DNAH17: variants seen among roughly 807,000 people sequenced by gnomAD.
DNAH17 encodes the protein axonemal beta dynein heavy chain 17.
A neutral mutation model predicts 485.6 loss-of-function variants in DNAH17; 376 were observed. The ratio of observed to expected loss-of-function variants is 0.77; its 90% confidence interval spans 0.71 to 0.84. The LOEUF is 0.84. DNAH17 is among the 40% of genes least tolerant of loss of function. The pLI, the probability that DNAH17 is intolerant of heterozygous loss-of-function variation, is 0.00. For missense variants in DNAH17, 6,370 were observed against 5,839.3 expected (o/e 1.09, Z -2.96); for synonymous variants, 3,031 against 2,405.9 (o/e 1.26, Z -7.60).
chr17:78,470,962 A>G (rs527826095), intron 54 of DNAH17, among the ~76,000 whole-genome samples: 3 of 152,322 alleles, frequency 2.0e-5, no homozygotes, highest in East Asian at 3.9e-4. Context: ...AGCAGTAGGA[A>G]TAGCTCGTTA....
At chr17:78,572,642 G>T (rs1292447663) in intron 3 of DNAH17, 59 bp downstream of exon 3, 4 of 1,404,658 alleles carry the variant, frequency 2.8e-6, no homozygotes, top group East Asian at 2.6e-5. Context: ...GGGGGGTGGG[G>T]GTCAAGCATG....
Position 78,491,506 on chromosome 17 carries a change from G to GCA in DNAH17, c.6605_6606insTG (p.Leu2203AlafsTer6). 1 of 1,613,850 alleles carries GCA rather than the reference G, an allele frequency of 6.2e-7. No individual in the cohort carries two copies. The highest frequency in any genetic ancestry group is 8.5e-7 in the Non-Finnish European group (1 of 1,179,914). On this transcript the variant is annotated frameshift_variant, in exon 43 of 81. Coordinates refer to ENST00000389840, the MANE Select transcript of DNAH17 (RefSeq NM_173628.4). LOFTEE classifies it high-confidence loss of function. Reference sequence around the variant, plus strand: ...ACATGGGGTCTATGTCTCCGTCAAGGATGATCCACTTGGGGCCGTCATGGG... The same window carrying GCA: ...ACATGGGGTCTATGTCTCCGTCAAGGCAATGATCCACTTGGGGCCGTCATGGG...
In DNAH17 at chr17:78,510,393, GC is replaced by G; in HGVS notation, c.4226del (p.Gly1409AlafsTer6). 1 of 1,612,598 alleles carries G rather than the reference GC, an allele frequency of 6.2e-7. No homozygotes were observed. Among genetic ancestry groups the G allele is most frequent in the Non-Finnish European group, 8.5e-7 (1 of 1,179,578 alleles). ...NIVDKAVKES[G>X]MEKVLKALDS... ...CGCCAGCACGGCCTACCTTTTCCAT[GC>G]CCGACTCCTTCACGGCCTTGTCCAC... On this transcript the variant is annotated frameshift_variant, in exon 27 of 81. Transcript: ENST00000389840. LOFTEE classifies it high-confidence loss of function.
chr17:78,479,286 T>A (rs1048609951), intron 50 of DNAH17, among the ~76,000 whole-genome samples, 170 bp from the exon 51 acceptor site: 5 of 152,194 alleles, frequency 3.3e-5, no homozygotes, highest in Non-Finnish European at 7.3e-5. Context: ...AAATCATTTG[T>A]GTATAGAATT....
rs1446669883 is a variant in DNAH17 at position 78,531,400 on chromosome 17, G to A, written c.3115-888C>T. Among the ~76,000 whole-genome samples the A allele has an allele frequency of 2.1e-5, 3 of 145,448 alleles. No individual in the cohort carries two copies. The East Asian group carries it at 6.0e-4, about 29-fold the overall frequency. On this transcript the variant is annotated intron_variant, in intron 20 of 80. Transcript: ENST00000389840. ...TGTCACCAGGCTGGAGTGCAGTGGC[G>A]TGATCTTGACTCACTGCAAGCTCCG...
chr17:78,488,288 G>A (rs865959039), intron 44 of DNAH17, among the ~76,000 whole-genome samples: 13 of 152,136 alleles, frequency 8.5e-5, no homozygotes, highest in Non-Finnish European at 1.6e-4. Flanking sequence ...GGGTGCATCC[G>A]GCATCCCTGC....
intron 71 of DNAH17, among the ~76,000 whole-genome samples, chr17:78,444,299 C>A (rs2087188624): frequency 6.6e-6 from 1 of 152,134 alleles, no homozygotes; most frequent in Non-Finnish European, 1.5e-5. Flanking sequence ...CGCAGGGCAC[C>A]CCTCCTCAGT....
At chr17:78,533,132 C>T (rs117443312) in intron 19 of DNAH17, 2,202 of 196,256 alleles carry the variant, frequency 0.011, 19 homozygotes, top group Non-Finnish European at 0.018. Flanking sequence ...CCAAGTGTGA[C>T]GTTTGTCTGG....
chr17:78,484,438 C>G (rs1361064100), intron 48 of DNAH17, among the ~76,000 whole-genome samples: 2 of 152,184 alleles, frequency 1.3e-5, no homozygotes, highest in Non-Finnish European at 2.9e-5. Context: ...AGGGGCATCT[C>G]TCTGCTGGGG....
chr17:78,547,503 G>A (rs1428667604), intron 16 of DNAH17, among the ~76,000 whole-genome samples: 1 of 152,062 alleles, frequency 6.6e-6, no homozygotes, highest in Non-Finnish European at 1.5e-5. Context: ...GTCTACATGT[G>A]TCATCTGGCC....
chr17:78,510,666 T>A lies in DNAH17; in HGVS notation c.4114-160A>T, dbSNP rs986741243. On this transcript the variant is annotated intron_variant, in intron 26 of 80. Coordinates refer to ENST00000389840, the MANE Select transcript of DNAH17 (RefSeq NM_173628.4). ...CTCTGCCATTTTCAGCTCTGAGACT[T>A]GAGGAAGTGACTTCTCCAAGCCTCA... 9.9e-6 allele frequency: 9 copies of A among 908,052 alleles called. No individual in the cohort carries two copies. In the African/African-American group the frequency reaches 1.5e-4, roughly 15 times the overall value. The allele number at this position is 908,052 out of a possible 1,614,324, so 56.2% of individuals were successfully genotyped here.
chr17:78,483,718 C>T (rs926965950), intron 48 of DNAH17, among the ~76,000 whole-genome samples: 6 of 152,172 alleles, frequency 3.9e-5, no homozygotes, highest in African/African-American at 1.4e-4. Context: ...CCCCCCATGC[C>T]TGCCTTTCTC....
intron 14 of DNAH17, among the ~76,000 whole-genome samples, chr17:78,557,694 G>C (rs150032747): frequency 9.1e-6 from 1 of 109,838 alleles, no homozygotes. Context: ...GTGGGAATAA[G>C]ATATTCATCA....
In DNAH17 at chr17:78,459,994, A is replaced by G; in HGVS notation, c.9443T>C (p.Leu3148Pro). ...GGACCCAAAGGACTTCAGCTCTGTC[A>G]GGTTGTTCTGCAAATGACAGACGGG... ...EALDTLNKNNLTELKSFGSPP... is the reference protein window; with the variant it reads ...EALDTLNKNNPTELKSFGSPP... The change falls in exon 60 of 81, where the codon CTG (leucine) becomes CCG (proline). Residue 3148 changes from leucine (L) to proline (P), a missense_variant. Coordinates refer to ENST00000389840, the MANE Select transcript of DNAH17 (RefSeq NM_173628.4). 6.2e-7 allele frequency: 1 copy of G among 1,612,714 alleles called. No homozygotes were observed. The highest frequency in any genetic ancestry group is 8.5e-7 in the Non-Finnish European group (1 of 1,179,882).
intron 58 of DNAH17, 114 bp downstream of exon 58, chr17:78,461,430 G>GT: frequency 8.6e-7 from 1 of 1,157,070 alleles, no homozygotes; most frequent in Non-Finnish European, 1.2e-6. Flanking sequence ...GTCCTTCTAT[G>GT]TAAGTCTCAG....
intron 16 of DNAH17, among the ~76,000 whole-genome samples, chr17:78,548,647 C>T (rs769268753): frequency 1.3e-5 from 2 of 152,160 alleles, no homozygotes; most frequent in Non-Finnish European, 2.9e-5. Context: ...GGTCCTAACC[C>T]CTTTGCTGTT....
chr17:78,544,348 T>C (rs1169085712), intron 16 of DNAH17, among the ~76,000 whole-genome samples: 1 of 152,148 alleles, frequency 6.6e-6, no homozygotes, highest in Non-Finnish European at 1.5e-5. Context: ...TCGAGGAGTG[T>C]GTGGTCAATA....
intron 27 of DNAH17, 117 bp from the exon 28 acceptor site, chr17:78,507,922 A>G (rs1361623383): frequency 1.0e-6 from 1 of 974,688 alleles, no homozygotes; most frequent in Non-Finnish European, 1.5e-6. Flanking sequence ...AAAAGGCTCA[A>G]ACCAACGTAT....
intron 16 of DNAH17, among the ~76,000 whole-genome samples, chr17:78,546,636 T>C (rs2091771066): frequency 6.6e-6 from 1 of 152,244 alleles, no homozygotes; most frequent in Non-Finnish European, 1.5e-5. Flanking sequence ...CTGGGCATGG[T>C]GATTCATGCC....
Sources: gnomAD v4.1 joint callset for allele counts (sites outside exome capture counted in the v4.1 genomes callset) on GRCh38, gnomAD v4.1.1 for gene constraint, MANE v1.5 for transcripts, NCBI Gene and HGNC (gene_info 2026-07-23, HGNC 2026-07-21) for gene names.